USP37: variants seen among roughly 807,000 people sequenced by gnomAD.
USP37 encodes the protein ubiquitin carboxyl-terminal hydrolase 37.
Under a neutral mutation model 124.0 loss-of-function variants are expected in USP37, and 27 were observed. The ratio of observed to expected loss-of-function variants is 0.22; its 90% confidence interval spans 0.16 to 0.30. The LOEUF (loss-of-function observed/expected upper bound fraction) is 0.30. USP37 is among the 10% of genes least tolerant of loss of function. The pLI is 1.00. For missense variants in USP37, 889 were observed against 1,140.4 expected (o/e 0.78, Z 3.17); for synonymous variants, 365 against 388.0 (o/e 0.94, Z 0.70).
chr2:218,555,964 T>C (rs1692947984), intron 4 of USP37, among the ~76,000 whole-genome samples: 1 of 152,182 alleles, frequency 6.6e-6, no homozygotes, highest in Non-Finnish European at 1.5e-5. Flanking sequence ...TCTTGCTTAC[T>C]CCACTCCCTT....
intron 16 of USP37, among the ~76,000 whole-genome samples, chr2:218,484,185 T>G (rs1221894294): frequency 6.6e-6 from 1 of 152,068 alleles, no homozygotes; most frequent in African/African-American, 2.4e-5. Flanking sequence ...CAACATTTTT[T>G]GTAGAGATGG....
chr2:218,499,979 G>C (rs1293695748), intron 11 of USP37, among the ~76,000 whole-genome samples: 1 of 152,132 alleles, frequency 6.6e-6, no homozygotes, highest in Non-Finnish European at 1.5e-5. Flanking sequence ...ATGTTGCCTA[G>C]GCTGGTATTG....
At chr2:218,525,475 C>A (rs1023034691) in intron 10 of USP37, among the ~76,000 whole-genome samples, 5 of 152,152 alleles carry the variant, frequency 3.3e-5, no homozygotes, top group African/African-American at 4.8e-5. Flanking sequence ...CAGAGTGAGA[C>A]CCTGTCTAAA....
rs2106418549 is a variant in USP37, at chr2:218,474,647, T to C, written c.2282A>G (p.Lys761Arg). The C allele has an allele frequency of 1.2e-6, 2 of 1,614,228 alleles. No individual in the cohort carries two copies. Among genetic ancestry groups the C allele is most frequent in the Non-Finnish European group, 1.7e-6 (2 of 1,180,046 alleles). Residue 761 changes from lysine (K) to arginine (R), a missense_variant, in exon 20 of 26, where the codon AAA (lysine) becomes AGA (arginine). Physicochemically the swap from Lys to Arg is conservative, Grantham distance 26. Coordinates refer to ENST00000258399, the MANE Select transcript of USP37 (RefSeq NM_020935.3). ...AAACCTACCCAGCTCTGTGATTGTT[T>C]TGGGCTTCTCAGTTTCCATAGTGTC... ...NPDTMETEKP[K>R]TITELDPASF...
intron 8 of USP37, among the ~76,000 whole-genome samples, chr2:218,535,315 G>A (rs534073236): frequency 1.3e-4 from 19 of 151,342 alleles, no homozygotes; most frequent in African/African-American, 3.9e-4. Flanking sequence ...GCAGTGAGCC[G>A]TGATCGCGCC....
chr2:218,476,704 AACAG>A, intron 19 of USP37, 132 bp downstream of exon 19: 2 of 1,022,086 alleles, frequency 2.0e-6, no homozygotes, highest in Non-Finnish European at 2.7e-6. Context: ...TCCATCTGTA[AACAG>A]ACTGATTTCT....
At chr2:218,543,470 CT>C (rs1352926124) in intron 8 of USP37, among the ~76,000 whole-genome samples, 9 of 120,156 alleles carry the variant, frequency 7.5e-5, no homozygotes, top group Non-Finnish European at 1.4e-4. Flanking sequence ...CCATTGCACT[CT>C]AGCCTGGGCG....
intron 11 of USP37, among the ~76,000 whole-genome samples, chr2:218,502,262 G>A (rs965773614): frequency 1.2e-4 from 19 of 152,076 alleles, no homozygotes; most frequent in African/African-American, 4.3e-4. Flanking sequence ...AACATAATGA[G>A]AGAAGTGAAA....
At chr2:218,554,733 C>T (rs1272302947) in intron 4 of USP37, among the ~76,000 whole-genome samples, 3 of 121,114 alleles carry the variant, frequency 2.5e-5, no homozygotes, top group African/African-American at 8.5e-5. Flanking sequence ...GATGACAGAG[C>T]AAAACTTTGT....
At chr2:218,487,248 ATTCT>A (rs761098218) in intron 15 of USP37, among the ~76,000 whole-genome samples, 1 of 152,216 alleles carries the variant, frequency 6.6e-6, no homozygotes, top group Non-Finnish European at 1.5e-5. Context: ...GATAAACATG[ATTCT>A]TTCTTCCTGT....
At chr2:218,477,114 A>T in intron 18 of USP37, 133 bp from the exon 19 acceptor site, 1 of 1,087,954 alleles carries the variant, frequency 9.2e-7, no homozygotes. Context: ...ATATCAAAAG[A>T]GGTATATTTC....
intron 11 of USP37, among the ~76,000 whole-genome samples, chr2:218,508,109 A>G (rs1689774929): frequency 6.6e-6 from 1 of 152,160 alleles, no homozygotes; most frequent in Non-Finnish European, 1.5e-5. Context: ...AGGTAACTTA[A>G]AGGTGGTGGT....
chr2:218,479,087 A>G (rs999583425), intron 18 of USP37, among the ~76,000 whole-genome samples: 2 of 152,208 alleles, frequency 1.3e-5, no homozygotes, highest in Non-Finnish European at 2.9e-5. Context: ...TAGAGGAAAT[A>G]TATTTAAAAA....
intron 9 of USP37, among the ~76,000 whole-genome samples, chr2:218,532,245 A>G (rs1691369029): frequency 6.6e-6 from 1 of 152,088 alleles, no homozygotes; most frequent in Non-Finnish European, 1.5e-5. Context: ...AGGCAGGCGG[A>G]TCATGAGGTC....
intron 11 of USP37, among the ~76,000 whole-genome samples, chr2:218,505,321 C>T (rs1370160739): frequency 1.3e-5 from 2 of 152,100 alleles, no homozygotes; most frequent in African/African-American, 2.4e-5. Flanking sequence ...GCCCAGCTGA[C>T]ATAATGTTTA....
chr2:218,540,294 G>C (rs1272736629), intron 8 of USP37, among the ~76,000 whole-genome samples: 1 of 152,094 alleles, frequency 6.6e-6, no homozygotes, highest in African/African-American at 2.4e-5. Context: ...AGATGGAATG[G>C]GACAGCTCAA....
intron 7 of USP37, among the ~76,000 whole-genome samples, chr2:218,546,520 G>A (rs1160613731): frequency 1.3e-5 from 2 of 152,176 alleles, no homozygotes; most frequent in African/African-American, 2.4e-5. Context: ...CCAGGTTCAA[G>A]CGATTCTCCT....
At chr2:218,527,985 G>A (rs1308873854) in intron 10 of USP37, among the ~76,000 whole-genome samples, 4 of 152,058 alleles carry the variant, frequency 2.6e-5, no homozygotes, top group African/African-American at 9.7e-5. Flanking sequence ...GGCACATCAT[G>A]AGGTCAGGAA....
chr2:218,556,816 T>A (rs77861966), intron 4 of USP37, among the ~76,000 whole-genome samples: 1 of 150,838 alleles, frequency 6.6e-6, no homozygotes, highest in East Asian at 2.0e-4. Flanking sequence ...CCTGGCCTAT[T>A]TGGTTACTCT....
Sources: allele counts gnomAD v4.1 joint callset (sites outside exome capture counted in the v4.1 genomes callset), GRCh38; gene constraint gnomAD v4.1.1; transcripts MANE v1.5; gene names NCBI Gene and HGNC (gene_info 2026-07-23, HGNC 2026-07-21).